Variants in NCOA5 observed in about 807,000 individuals in gnomAD.
NCOA5 encodes the protein NCoA-5.
A neutral mutation model predicts 59.0 loss-of-function variants in NCOA5; 12 were observed. That is an observed-to-expected ratio of 0.20 (90% CI 0.13 to 0.33). The LOEUF is 0.33. Ranked by LOEUF, NCOA5 falls within the 10% of genes least tolerant of loss-of-function variation. The pLI is 1.00. For synonymous variants in NCOA5, 270 were observed against 275.5 expected (o/e 0.98, Z 0.20); for missense variants, 655 against 766.6 (o/e 0.85, Z 1.72).
intron 4 of NCOA5, 58 bp from the exon 5 acceptor site, chr20:46,067,239 G>T (rs540589953): frequency 2.0e-5 from 31 of 1,571,266 alleles, no homozygotes; most frequent in Non-Finnish European, 2.6e-5. Flanking sequence ...TTTAAATCCT[G>T]AGCTACTTGT....
chr20:46,068,645 AGTT>A lies in NCOA5; in HGVS notation c.366-10_366-8del, dbSNP rs1485874477. ...GTCATAAGAGCCTTCTCTCCTGAAA[AGTT>A]AAGGAAATTTTCATAAAGATAAAAC... On this transcript the variant is annotated splice_polypyrimidine_tract_variant and splice_region_variant and intron_variant, in intron 3 of 7. Transcript: ENST00000290231. 1 of 1,601,118 alleles carries A rather than the reference AGTT, an allele frequency of 6.2e-7. No homozygotes were observed. The highest frequency in any genetic ancestry group is 1.3e-5 in the African/African-American group (1 of 74,084).
chr20:46,070,544 A>G lies in NCOA5; in HGVS notation c.39-8T>C. On this transcript the variant is annotated splice_polypyrimidine_tract_variant and splice_region_variant and intron_variant, in intron 2 of 7. Transcript: ENST00000290231. ...CCAAAGCCATATGGATCCCTGTGGG[A>G]GGTAGCAAGAAAATGCTAAGACAAA... 1 of 1,608,258 alleles carries G rather than the reference A, an allele frequency of 6.2e-7. No homozygotes were observed. Among genetic ancestry groups the G allele is most frequent in the Non-Finnish European group, 8.5e-7 (1 of 1,176,118 alleles).
chr20:46,062,470 T>C lies in NCOA5; in HGVS notation c.1570A>G (p.Ser524Gly). Residue 524 changes from serine (S) to glycine (G), a missense_variant, in exon 8 of 8, where the codon AGC (serine) becomes GGC (glycine). Physicochemically the swap from Ser to Gly is moderately conservative, Grantham distance 56. Around this residue, in one of 3 missense-constraint regions of NCOA5, gnomAD observed 325 missense variants for 353.2 expected, o/e 0.92. Transcript: ENST00000290231. ...CCTGTGGAAGACACAGGCCTCTGGC[T>C]AGTCATGTTGCTAGCAGGTGCCAGG... is the stretch of plus-strand genomic sequence containing the variant. The part of the protein sequence containing the change: ...SRLAPASNMT[S>G]QRPVSSTGIN... 6.2e-7 allele frequency: 1 copy of C among 1,614,148 alleles called. No homozygotes were observed.
chr20:46,083,353 ACT>A (rs2051876583), intron 1 of NCOA5, among the ~76,000 whole-genome samples: 2 of 152,314 alleles, frequency 1.3e-5, no homozygotes, highest in South Asian at 4.1e-4. Flanking sequence ...AAGAAAAGTA[ACT>A]CTGAAATGAC....
intron 3 of NCOA5, among the ~76,000 whole-genome samples, chr20:46,069,736 A>C (rs2145531123): frequency 6.7e-6 from 1 of 148,616 alleles, no homozygotes; most frequent in East Asian, 2.0e-4. Flanking sequence ...GTCTCAAAGA[A>C]AAAAAAAAAA....
At chr20:46,085,943 T>C (rs1359554082) in intron 1 of NCOA5, among the ~76,000 whole-genome samples, 5 of 152,212 alleles carry the variant, frequency 3.3e-5, no homozygotes, top group African/African-American at 4.8e-5. Flanking sequence ...TCAAAGACCA[T>C]TGGTTTGACA....
At chr20:46,079,305 A>G in intron 2 of NCOA5, 82 bp downstream of exon 2, 1 of 1,348,922 alleles carries the variant, frequency 7.4e-7, no homozygotes, top group South Asian at 1.2e-5. Flanking sequence ...GGGGGAAGAA[A>G]AGACCTTTGG....
intron 3 of NCOA5, among the ~76,000 whole-genome samples, chr20:46,069,216 C>T (rs2084855843): frequency 6.6e-6 from 1 of 152,128 alleles, no homozygotes; most frequent in Non-Finnish European, 1.5e-5. Flanking sequence ...ATTCTGTATT[C>T]GTGAAATAAC....
intron 2 of NCOA5, among the ~76,000 whole-genome samples, chr20:46,075,122 C>A (rs1259620575): frequency 6.6e-6 from 1 of 152,212 alleles, no homozygotes; most frequent in East Asian, 1.9e-4. Flanking sequence ...ATGGAGACAA[C>A]AGACTTGTCC....
intron 1 of NCOA5, among the ~76,000 whole-genome samples, chr20:46,082,419 T>C (rs1006911417): frequency 6.6e-6 from 1 of 152,092 alleles, no homozygotes; most frequent in Non-Finnish European, 1.5e-5. Context: ...GGAACTCTGG[T>C]TGGAGAAAAA....
At chr20:46,063,254 C>T (rs1427760057) in intron 7 of NCOA5, 106 bp downstream of exon 7, 1 of 1,177,436 alleles carries the variant, frequency 8.5e-7, no homozygotes, top group Non-Finnish European at 1.2e-6. Context: ...GACTTAGTTC[C>T]CTTACCCACT....
rs759383288 is a variant in NCOA5, at chr20:46,068,564, C to T, written c.440G>A (p.Arg147His). 24 of 1,613,582 alleles carry T rather than the reference C, an allele frequency of 1.5e-5. No individual in the cohort carries two copies. The highest frequency in any genetic ancestry group is 1.1e-4 in the African/African-American group (8 of 74,924). ...CRRKDDSYFD[R>H]YRDSFDGRGP... ...CCGTCCATCAAAGCTATCTCTGTAA[C>T]GGTCAAAATAAGAGTCATCCTTTCT... Residue 147 changes from arginine (R) to histidine (H), a missense_variant, in exon 4 of 8, where the codon CGT (arginine) becomes CAT (histidine). Physicochemically the swap from Arg to His is conservative, Grantham distance 29. This residue lies in a region of NCOA5 where 250 missense variants were observed against 260.1 expected (regional missense o/e 0.96). Transcript: ENST00000290231.
At chr20:46,078,929 A>G (rs2084965896) in intron 2 of NCOA5, among the ~76,000 whole-genome samples, 1 of 152,188 alleles carries the variant, frequency 6.6e-6, no homozygotes, top group Admixed American at 6.5e-5. Flanking sequence ...GGGGATCTGC[A>G]GCACAGGCAC....
chr20:46,062,907 G>A lies in NCOA5; in HGVS notation c.1151-18C>T, dbSNP rs773419026. 2.4e-5 allele frequency: 36 copies of A among 1,510,616 alleles called. No individual in the cohort carries two copies. Among genetic ancestry groups the A allele is most frequent in the Non-Finnish European group, 3.2e-5 (36 of 1,134,442 alleles). The allele number at this position is 1,510,616 out of a possible 1,614,324, so 93.6% of individuals were successfully genotyped here. A position where few individuals can be genotyped will look rare whatever the true frequency, so the allele number is the denominator to read the frequency against. ...AATCGGGCCTGGAAGACAGAAGAGG[G>A]AGGTATCTGGTTCAAAGTACCCCCC... On this transcript the variant is annotated intron_variant, in intron 7 of 7. Transcript: ENST00000290231.
chr20:46,066,065 A>C (rs1331658652), intron 5 of NCOA5, among the ~76,000 whole-genome samples: 2 of 152,104 alleles, frequency 1.3e-5, no homozygotes, highest in Non-Finnish European at 2.9e-5. Context: ...GAGCCTGTGA[A>C]CTCTGCCTAC....
At chr20:46,088,912 T>C (rs2085070691) in intron 1 of NCOA5, among the ~76,000 whole-genome samples, 1 of 152,246 alleles carries the variant, frequency 6.6e-6, no homozygotes, top group African/African-American at 2.4e-5. Flanking sequence ...ATATTTATTT[T>C]TTTTATAAGC....
chr20:46,072,887 T>C (rs1291339986), intron 2 of NCOA5, among the ~76,000 whole-genome samples: 1 of 152,254 alleles, frequency 6.6e-6, no homozygotes, highest in East Asian at 1.9e-4. Flanking sequence ...ACAAGAACTA[T>C]GTCACTTTGA....
At chr20:46,082,208 A>G (rs1015082846) in intron 1 of NCOA5, among the ~76,000 whole-genome samples, 5 of 152,212 alleles carry the variant, frequency 3.3e-5, no homozygotes, top group African/African-American at 1.2e-4. Context: ...TTTAAACCAC[A>G]AAAGAATGGG....
At chr20:46,075,735 A>G (rs1000701941) in intron 2 of NCOA5, among the ~76,000 whole-genome samples, 2 of 152,226 alleles carry the variant, frequency 1.3e-5, no homozygotes, top group African/African-American at 2.4e-5. Context: ...GCACAACTGG[A>G]ATCATGATCC....
Sources: gnomAD v4.1 joint callset for allele counts (sites outside exome capture counted in the v4.1 genomes callset) on GRCh38, gnomAD v4.1.1 for gene constraint, gnomAD v4.1.1 regional missense constraint, MANE v1.5 for transcripts, NCBI Gene and HGNC (gene_info 2026-07-23, HGNC 2026-07-21) for gene names.